The following EIF3H variants were observed in gnomAD, a reference collection of about 807,000 sequenced individuals.
EIF3H encodes the protein eIF-3-gamma.
In EIF3H, 26 loss-of-function variants were observed where a neutral mutation model predicts 44.2. That is an observed-to-expected ratio of 0.59 (90% CI 0.43 to 0.82). The LOEUF is 0.82. Ranked by LOEUF, EIF3H falls within the 40% of genes least tolerant of loss-of-function variation. The probability of loss-of-function intolerance (pLI) is 0.00; values close to 1 mark genes in which losing one functional copy is unlikely to be tolerated. For synonymous variants in EIF3H, 166 were observed against 151.9 expected (o/e 1.09, Z -0.68); for missense variants, 359 against 432.8 (o/e 0.83, Z 1.51).
At chr8:116,764,399 A>G (rs1006410930) in intron 1 of EIF3H, among the ~76,000 whole-genome samples, 1 of 152,250 alleles carries the variant, frequency 6.6e-6, no homozygotes, top group Non-Finnish European at 1.5e-5. Flanking sequence ...TTTGGCATCT[A>G]AACAAAAGTG....
At chr8:116,766,349 C>G (rs979866241), upstream of EIF3H, 1 of 419,384 alleles carries the variant, frequency 2.4e-6, no homozygotes, top group Non-Finnish European at 4.2e-6. Flanking sequence ...GAATCGCGCA[C>G]CCCAGCGGTT....
At chr8:116,662,881 G>A (rs1377135890) in intron 2 of EIF3H, among the ~76,000 whole-genome samples, 3 of 152,162 alleles carry the variant, frequency 2.0e-5, no homozygotes, top group Non-Finnish European at 4.4e-5. Context: ...ATAAGAAATT[G>A]TCTTTCCAGA....
In EIF3H at chr8:116,643,823, A is replaced by T. The variant is rs1178183991; in HGVS notation, c.*1183T>A. Reference sequence around the variant, plus strand: ...ATAACCCTCCTAGGGGATCATAATCAAAAATTCTCATAGGCACACCCCCAC... The same window carrying T: ...ATAACCCTCCTAGGGGATCATAATCTAAAATTCTCATAGGCACACCCCCAC... On this transcript the variant is annotated 3_prime_UTR_variant, in exon 8 of 8. Transcript: ENST00000521861. 2 of 152,216 alleles carry T rather than the reference A, an allele frequency of 1.3e-5. No homozygotes were observed. The highest frequency in any genetic ancestry group is 4.8e-5 in the African/African-American group (2 of 41,448). 9.4% of individuals were successfully genotyped at this position (152,216 alleles called of 1,614,324 possible).
At chr8:116,649,037 G>C in intron 5 of EIF3H, 111 bp from the exon 6 acceptor site, 1 of 929,698 alleles carries the variant, frequency 1.1e-6, no homozygotes, top group Non-Finnish European at 1.5e-6. Flanking sequence ...AAAAGAATGA[G>C]AGCACACATA....
intron 1 of EIF3H, among the ~76,000 whole-genome samples, chr8:116,731,081 C>T (rs935723571): frequency 2.0e-5 from 3 of 152,136 alleles, no homozygotes; most frequent in Admixed American, 6.5e-5. Flanking sequence ...ACATGGAAAG[C>T]TTAACCATTC....
chr8:116,722,128 C>T (rs1482901600), intron 2 of EIF3H, among the ~76,000 whole-genome samples: 1 of 152,150 alleles, frequency 6.6e-6, no homozygotes, highest in Non-Finnish European at 1.5e-5. Context: ...GTGGGAGGGA[C>T]TCAGTGGAAG....
chr8:116,669,459 G>A (rs976886985), intron 2 of EIF3H, among the ~76,000 whole-genome samples: 3 of 152,106 alleles, frequency 2.0e-5, no homozygotes, highest in African/African-American at 7.2e-5. Flanking sequence ...AAAGAGGAGT[G>A]AGCAGTAATG....
intron 2 of EIF3H, among the ~76,000 whole-genome samples, chr8:116,699,480 T>C (rs1173732469): frequency 3.3e-5 from 5 of 152,066 alleles, no homozygotes. Flanking sequence ...TTCTCACTTG[T>C]AAGTGGGAGC....
chr8:116,711,684 G>C (rs1302916439), intron 2 of EIF3H, among the ~76,000 whole-genome samples: 5 of 152,068 alleles, frequency 3.3e-5, no homozygotes, highest in Non-Finnish European at 5.9e-5. Flanking sequence ...TACAAACTTG[G>C]AGATACACAG....
intron 2 of EIF3H, among the ~76,000 whole-genome samples, chr8:116,695,886 T>C (rs1215955332): frequency 6.6e-6 from 1 of 152,168 alleles, no homozygotes; most frequent in Non-Finnish European, 1.5e-5. Flanking sequence ...GAGAAGGGAA[T>C]TACAAATATG....
At chr8:116,683,441 T>C (rs1353203871) in intron 2 of EIF3H, among the ~76,000 whole-genome samples, 2 of 152,170 alleles carry the variant, frequency 1.3e-5, no homozygotes, top group Non-Finnish European at 2.9e-5. Flanking sequence ...CCTCTTCTTA[T>C]AAGGACATGA....
chr8:116,648,279 G>T (rs752546993), intron 6 of EIF3H, among the ~76,000 whole-genome samples: 10 of 152,164 alleles, frequency 6.6e-5, no homozygotes, highest in Non-Finnish European at 1.5e-4. Flanking sequence ...CATGAATAAA[G>T]AAAAGGTTAT....
chr8:116,688,516 A>G (rs1190383229), intron 2 of EIF3H, among the ~76,000 whole-genome samples: 1 of 152,208 alleles, frequency 6.6e-6, no homozygotes, highest in African/African-American at 2.4e-5. Context: ...ATATACTGTC[A>G]TTACATTTAT....
In EIF3H at chr8:116,671,050, T is replaced by C. The variant is rs576651702; in HGVS notation, c.290-12070A>G. Among the ~76,000 whole-genome samples, 9 of 152,350 alleles carry C rather than the reference T, an allele frequency of 5.9e-5. No homozygotes were observed. The South Asian group carries it at 1.2e-3, about 21-fold the overall frequency. ...CAGATCAAATAATTATCTTCTGCAA[T>C]TGGCAAACAGGCTCCTGCCAGATGT... On this transcript the variant is annotated intron_variant, in intron 2 of 7. Transcript: ENST00000521861.
At chr8:116,762,856 A>T (rs1300272425) in intron 1 of EIF3H, among the ~76,000 whole-genome samples, 2 of 152,248 alleles carry the variant, frequency 1.3e-5, no homozygotes, top group African/African-American at 4.8e-5. Context: ...AGGCAGGAGA[A>T]TCGCTTGAAC....
At chr8:116,685,415 A>G (rs1814059885) in intron 2 of EIF3H, among the ~76,000 whole-genome samples, 1 of 152,170 alleles carries the variant, frequency 6.6e-6, no homozygotes. Flanking sequence ...TGAGCCTCAC[A>G]CAGTATTTGG....
At chr8:116,724,503 G>A (rs1259758169) in intron 2 of EIF3H, among the ~76,000 whole-genome samples, 1 of 151,738 alleles carries the variant, frequency 6.6e-6, no homozygotes, top group Non-Finnish European at 1.5e-5. Flanking sequence ...AATCAACCTA[G>A]TAAAAAGGCA....
At chr8:116,680,811 A>T in intron 2 of EIF3H, among the ~76,000 whole-genome samples, 1 of 132,062 alleles carries the variant, frequency 7.6e-6, no homozygotes, top group African/African-American at 2.8e-5. Flanking sequence ...AGAAACACCC[A>T]AGAATGATCA....
At chr8:116,675,143 T>TG (rs1813828308) in intron 2 of EIF3H, among the ~76,000 whole-genome samples, 1 of 150,362 alleles carries the variant, frequency 6.7e-6, no homozygotes, top group Non-Finnish European at 1.5e-5. Flanking sequence ...TATGTCCTGA[T>TG]GGCACTGTGC....
Sources: allele counts gnomAD v4.1 joint callset (sites outside exome capture counted in the v4.1 genomes callset), GRCh38; gene constraint gnomAD v4.1.1; transcripts MANE v1.5; gene names NCBI Gene and HGNC (gene_info 2026-07-23, HGNC 2026-07-21).